BNC2: variants seen among roughly 807,000 people sequenced by gnomAD.
BNC2 encodes the protein zinc finger protein basonuclin-2.
Under a neutral mutation model 76.3 loss-of-function variants are expected in BNC2, and 20 were observed. The observed-to-expected ratio is 0.26, with a 90% CI of 0.18 to 0.38. The LOEUF is 0.38. BNC2 is among the 10% of genes least tolerant of loss of function. The pLI, the probability that BNC2 is intolerant of heterozygous loss-of-function variation, is 1.00. For synonymous variants in BNC2, 582 were observed against 514.8 expected (o/e 1.13, Z -1.77); for missense variants, 1,382 against 1,399.8 (o/e 0.99, Z 0.20).
chr9:16,768,025 G>A (rs1375567093), intron 1 of BNC2, among the ~76,000 whole-genome samples: 1 of 151,120 alleles, frequency 6.6e-6, no homozygotes, highest in Admixed American at 6.6e-5. Context: ...GAGTGAAGTG[G>A]CACAATCTTG....
chr9:16,839,365 A>G (rs1818775705), intron 1 of BNC2, among the ~76,000 whole-genome samples: 1 of 152,212 alleles, frequency 6.6e-6, no homozygotes, highest in Non-Finnish European at 1.5e-5. Flanking sequence ...GCCATCACCC[A>G]TTTTGTACCA....
At chr9:16,446,435 T>C (rs1402436535) in intron 5 of BNC2, among the ~76,000 whole-genome samples, 1 of 152,132 alleles carries the variant, frequency 6.6e-6, no homozygotes, top group East Asian at 1.9e-4. Flanking sequence ...GGCTTTGATA[T>C]ATTTCCCAGT....
intron 3 of BNC2, among the ~76,000 whole-genome samples, chr9:16,673,383 G>A (rs1314815833): frequency 8.0e-6 from 1 of 125,474 alleles, no homozygotes; most frequent in Non-Finnish European, 1.7e-5. Flanking sequence ...AGGGTGAGTA[G>A]ATGAATGATT....
chr9:16,420,047 T>C (rs1048817999), intron 6 of BNC2, among the ~76,000 whole-genome samples: 2 of 152,180 alleles, frequency 1.3e-5, no homozygotes, highest in African/African-American at 4.8e-5. Context: ...TTTCTGCTTG[T>C]CTAAATGGAA....
chr9:16,650,548 T>A lies in BNC2; in HGVS notation c.331-67463A>T, dbSNP rs564324924. Among the ~76,000 whole-genome samples the A allele has an allele frequency of 3.0e-3, 458 of 151,834 alleles. 3 individuals carry two copies. The highest frequency in any genetic ancestry group is 9.7e-3 in the African/African-American group (400 of 41,322). ...CACAGTAGAAAAGATTATTTCAAAATTTTTTTTTATTTTTTTTACACAGTA... is the reference window on the plus strand; with the variant it reads ...CACAGTAGAAAAGATTATTTCAAAAATTTTTTTTATTTTTTTTACACAGTA... On this transcript the variant is annotated intron_variant, in intron 3 of 6. Coordinates refer to ENST00000380672, the MANE Select transcript of BNC2 (RefSeq NM_017637.6).
chr9:16,523,124 C>T (rs761995496), intron 5 of BNC2, among the ~76,000 whole-genome samples: 18 of 152,074 alleles, frequency 1.2e-4, no homozygotes, highest in African/African-American at 2.2e-4. Flanking sequence ...GTTTTCAAAG[C>T]GGTATCAATG....
At chr9:16,529,939 C>T (rs1236716358) in intron 5 of BNC2, among the ~76,000 whole-genome samples, 1 of 152,158 alleles carries the variant, frequency 6.6e-6, no homozygotes, top group Non-Finnish European at 1.5e-5. Context: ...ACCTCTGCCT[C>T]CCAGGCTCAA....
Position 16,582,761 on chromosome 9 carries a change from T to C in BNC2, c.433+222A>G, listed in dbSNP as rs145261152. Among the ~76,000 whole-genome samples, 27 of 152,304 alleles carry C rather than the reference T, an allele frequency of 1.8e-4. 1 individual carries two copies. The East Asian group carries it at 5.0e-3, about 28-fold the overall frequency. ...AACTGTCCTATAAACATCTTGGCCT[T>C]CTGCTGAGAGCTGCTCGCCTAGCTC... On this transcript the variant is annotated intron_variant, in intron 4 of 6. Transcript: ENST00000380672.
At position 16,410,054 on chromosome 9, in the gene BNC2, T is replaced by C. The variant is rs1185701890; in HGVS notation, c.*8935A>G. On this transcript the variant is annotated 3_prime_UTR_variant, in exon 7 of 7. Transcript: ENST00000380672. Reference sequence around the variant, plus strand: ...TGTCAAATATGGAGGCTGAGTCCAATAATTTTGTTACTGGAGACACACCAA... The same window carrying C: ...TGTCAAATATGGAGGCTGAGTCCAACAATTTTGTTACTGGAGACACACCAA... 3 of 152,318 alleles carry C rather than the reference T, an allele frequency of 2.0e-5. No individual in the cohort carries two copies. The highest frequency in any genetic ancestry group is 3.4e-3 in the Middle Eastern group (1 of 294). The allele number at this position is 152,318 out of a possible 1,614,324, so 9.4% of individuals were successfully genotyped here.
chr9:16,452,688 G>T (rs1039775008), intron 5 of BNC2, among the ~76,000 whole-genome samples: 1 of 152,180 alleles, frequency 6.6e-6, no homozygotes, highest in Non-Finnish European at 1.5e-5. Flanking sequence ...GGGATCACAG[G>T]TGTGAGCCAC....
intron 1 of BNC2, among the ~76,000 whole-genome samples, chr9:16,862,234 T>C (rs1819428541): frequency 6.6e-6 from 1 of 152,204 alleles, no homozygotes; most frequent in Non-Finnish European, 1.5e-5. Context: ...AGGGCCACAT[T>C]ACTCAAAAAG....
At chr9:16,739,076 G>A (rs899380480) in intron 1 of BNC2, among the ~76,000 whole-genome samples, 11 of 151,954 alleles carry the variant, frequency 7.2e-5, no homozygotes, top group Middle Eastern at 3.4e-3. Flanking sequence ...CACACTGAGC[G>A]TAGATTATAT....
intron 2 of BNC2, among the ~76,000 whole-genome samples, chr9:16,734,445 G>GC (rs1388958099): frequency 3.5e-5 from 1 of 28,746 alleles, no homozygotes; most frequent in African/African-American, 1.1e-4. Flanking sequence ...TCAATCACTG[G>GC]CCCCTCTCAT....
intron 5 of BNC2, among the ~76,000 whole-genome samples, chr9:16,551,019 T>C (rs1449585418): frequency 6.6e-6 from 1 of 152,164 alleles, no homozygotes; most frequent in Non-Finnish European, 1.5e-5. Flanking sequence ...GGCCCCTTCC[T>C]CCTAGATCTT....
intron 3 of BNC2, among the ~76,000 whole-genome samples, chr9:16,696,506 C>T (rs1823342686): frequency 6.6e-6 from 1 of 152,118 alleles, no homozygotes; most frequent in South Asian, 2.1e-4. Context: ...TGAAAGGGAT[C>T]TCATCGTCCC....
intron 1 of BNC2, among the ~76,000 whole-genome samples, chr9:16,751,634 G>GTA (rs1563926893): frequency 4.7e-4 from 4 of 8,568 alleles, no homozygotes; most frequent in East Asian, 0.019. Flanking sequence ...ATATATGTAT[G>GTA]TATATATGTA....
At chr9:16,463,191 A>T (rs1821622326) in intron 5 of BNC2, among the ~76,000 whole-genome samples, 2 of 151,792 alleles carry the variant, frequency 1.3e-5, no homozygotes, top group Non-Finnish European at 1.5e-5. Flanking sequence ...CTTTCAGGAG[A>T]TTGAATGAGA....
rs71325979 is a variant in BNC2 at position 16,663,130 on chromosome 9, C to CTTTTTTTTTT, written c.330+64657_330+64666dup. On this transcript the variant is annotated intron_variant, in intron 3 of 6. Transcript: ENST00000380672. ...CCATAGGCACTCCACTCTGTTTACT[C>CTTTTTTTTTT]TTTTTTTTTTTTTTTTGGAGACGGA... is the stretch of plus-strand genomic sequence containing the variant. Among the ~76,000 whole-genome samples, 12 of 99,618 alleles carry CTTTTTTTTTT rather than the reference C, an allele frequency of 1.2e-4. 1 individual carries two copies. The highest frequency in any genetic ancestry group is 1.4e-4 in the African/African-American group (4 of 27,926). 65.4% of individuals were successfully genotyped at this position (99,618 alleles called of 152,430 possible). A position where few individuals can be genotyped will look rare whatever the true frequency, so the allele number is the denominator to read the frequency against.
chr9:16,667,352 C>CTTG (rs1045364216), intron 3 of BNC2, among the ~76,000 whole-genome samples: 9 of 152,184 alleles, frequency 5.9e-5, no homozygotes, highest in Admixed American at 4.6e-4. Flanking sequence ...CAATCAAGCT[C>CTTG]TTGTTAGTTC....
Sources: allele counts gnomAD v4.1 joint callset (sites outside exome capture counted in the v4.1 genomes callset), GRCh38; gene constraint gnomAD v4.1.1; transcripts MANE v1.5; gene names NCBI Gene and HGNC (gene_info 2026-07-23, HGNC 2026-07-21).